Variants in OPCML observed in about 807,000 individuals in gnomAD.
The protein encoded by OPCML is opioid binding protein/cell adhesion molecule like.
Under a neutral mutation model 37.8 loss-of-function variants are expected in OPCML, and 13 were observed. The ratio of observed to expected loss-of-function variants is 0.34; its 90% confidence interval spans 0.22 to 0.55. OPCML has a LOEUF of 0.55. OPCML is among the 20% of genes least tolerant of loss of function. The probability of loss-of-function intolerance (pLI) is 0.91; values close to 1 mark genes in which losing one functional copy is unlikely to be tolerated. For missense variants in OPCML, 341 were observed against 435.6 expected, an observed-to-expected ratio of 0.78 and a Z score of 1.93; for synonymous variants, 176 against 168.8, an observed-to-expected ratio of 1.04 and a Z score of -0.33.
intron 1 of OPCML, among the ~76,000 whole-genome samples, chr11:133,116,548 A>T (rs1949336060): frequency 6.6e-6 from 1 of 152,072 alleles, no homozygotes; most frequent in Non-Finnish European, 1.5e-5. Flanking sequence ...ATGTTCCTTA[A>T]TTTAGGTATG....
intron 1 of OPCML, among the ~76,000 whole-genome samples, chr11:133,181,361 A>ACGGGGGGGG (rs1937822642): frequency 2.3e-5 from 3 of 130,778 alleles, no homozygotes; most frequent in Non-Finnish European, 3.2e-5. Context: ...ATGTTACTGC[A>ACGGGGGGGG]CGGGGGTGGC....
intron 2 of OPCML, among the ~76,000 whole-genome samples, chr11:132,858,319 C>CG (rs2136349944): frequency 6.6e-6 from 1 of 152,288 alleles, no homozygotes; most frequent in South Asian, 2.1e-4. Flanking sequence ...CCTCTTTGAC[C>CG]GGGCCTGCCA....
rs1320621292 is a variant in OPCML at position 133,458,495 on chromosome 11, CG to C, written c.61+73768del. Among the ~76,000 whole-genome samples the C allele has an allele frequency of 3.6e-4, 35 of 95,956 alleles. 2 individuals carry two copies. The highest frequency in any genetic ancestry group is 1.4e-3 in the South Asian group (5 of 3,628). 63.0% of individuals were successfully genotyped at this position (95,956 alleles called of 152,430 possible). A position where few individuals can be genotyped will look rare whatever the true frequency, so the allele number is the denominator to read the frequency against. ...GTGTGTGTATATACACATATATACA[CG>C]TGTGTGTGTATATACACATATATAC... On this transcript the variant is annotated intron_variant, in intron 1 of 7. Coordinates refer to ENST00000524381, the MANE Select transcript of OPCML (RefSeq NM_001012393.5).
chr11:132,450,656 T>C lies in OPCML; in HGVS notation c.506-13297A>G, dbSNP rs568437055. Among the ~76,000 whole-genome samples the C allele has an allele frequency of 1.1e-4, 16 of 152,168 alleles. No individual in the cohort carries two copies. The South Asian group carries it at 1.7e-3, about 16-fold the overall frequency. The stretch of plus-strand genomic sequence containing the variant: ...AATTAATGTAAAAAACAGTGTGATA[T>C]TTATTGCTTTCTGCACATACACAGA... On this transcript the variant is annotated intron_variant, in intron 4 of 7. Coordinates refer to ENST00000524381, the MANE Select transcript of OPCML (RefSeq NM_001012393.5).
At chr11:132,959,329 C>T (rs1015513428) in intron 1 of OPCML, among the ~76,000 whole-genome samples, 55 of 152,162 alleles carry the variant, frequency 3.6e-4, no homozygotes, top group Admixed American at 2.6e-4. Flanking sequence ...CTTGGATGAG[C>T]AAAGGAAGTG....
intron 1 of OPCML, among the ~76,000 whole-genome samples, chr11:133,506,826 G>A (rs1948042154): frequency 6.6e-6 from 1 of 152,206 alleles, no homozygotes; most frequent in South Asian, 2.1e-4. Flanking sequence ...GCAGAAGGCA[G>A]GAGAACGCAC....
rs953392547 is a variant in OPCML at position 133,177,398 on chromosome 11, C to T, written c.62-234388G>A. Among the ~76,000 whole-genome samples the T allele has an allele frequency of 1.3e-5, 2 of 152,180 alleles. No individual in the cohort carries two copies. Among genetic ancestry groups the T allele is most frequent in the African/African-American group, 4.8e-5 (2 of 41,440 alleles). On this transcript the variant is annotated intron_variant, in intron 1 of 7. Transcript: ENST00000524381. The surrounding 1 kb of genome is among the most constrained non-coding windows in gnomAD (Gnocchi z 5.0). ...TGAGGAAATCAGTAATCTTGAACCA[C>T]TAATGCTAATTTATGATTTTGGACA...
At chr11:132,480,957 T>C (rs1291754291) in intron 4 of OPCML, among the ~76,000 whole-genome samples, 1 of 151,426 alleles carries the variant, frequency 6.6e-6, no homozygotes, top group Non-Finnish European at 1.5e-5. Flanking sequence ...AGAAACTGCA[T>C]GAAATAATGA....
chr11:132,682,945 G>A (rs551339518), intron 2 of OPCML, among the ~76,000 whole-genome samples: 1 of 152,282 alleles, frequency 6.6e-6, no homozygotes, highest in African/African-American at 2.4e-5. Context: ...CTGGGTAATA[G>A]AGGCAAAATA....
At chr11:132,498,082 A>G (rs1283604327) in intron 4 of OPCML, among the ~76,000 whole-genome samples, 7 of 152,336 alleles carry the variant, frequency 4.6e-5, no homozygotes, top group African/African-American at 1.7e-4. Context: ...CATATTCTAT[A>G]TTTTTATAGA....
intron 3 of OPCML, among the ~76,000 whole-genome samples, chr11:132,584,793 AT>A (rs1446772771): frequency 1.3e-5 from 2 of 152,254 alleles, no homozygotes; most frequent in Non-Finnish European, 2.9e-5. Context: ...TGATTTGCAA[AT>A]TGGCAAGCCC....
intron 4 of OPCML, among the ~76,000 whole-genome samples, chr11:132,498,417 T>C (rs2096238077): frequency 6.6e-6 from 1 of 152,202 alleles, no homozygotes; most frequent in Non-Finnish European, 1.5e-5. Context: ...ATTCATTATA[T>C]TCAAGGAAAC....
intron 1 of OPCML, among the ~76,000 whole-genome samples, chr11:133,053,664 A>G (rs572085517): frequency 6.6e-6 from 1 of 152,190 alleles, no homozygotes; most frequent in African/African-American, 2.4e-5. Flanking sequence ...CTTCTGGGAA[A>G]GCACGCTCCA....
chr11:133,479,271 T>C (rs998752771), intron 1 of OPCML, among the ~76,000 whole-genome samples: 5 of 152,158 alleles, frequency 3.3e-5, no homozygotes, highest in Non-Finnish European at 7.4e-5. Context: ...TCCACAAGCA[T>C]TCCCCAGAGG....
intron 2 of OPCML, among the ~76,000 whole-genome samples, chr11:132,926,509 C>T (rs1459048018): frequency 6.6e-6 from 1 of 152,124 alleles, no homozygotes; most frequent in Non-Finnish European, 1.5e-5. Context: ...AGGATGCACA[C>T]AAGACCAGGA....
chr11:133,280,836 G>T (rs1348216720), intron 1 of OPCML, among the ~76,000 whole-genome samples: 1 of 152,188 alleles, frequency 6.6e-6, no homozygotes, highest in Non-Finnish European at 1.5e-5. Context: ...ACTTCTTGTG[G>T]CTTGGGATCA....
intron 2 of OPCML, among the ~76,000 whole-genome samples, chr11:132,867,373 C>A (rs1323623821): frequency 2.0e-5 from 3 of 152,242 alleles, no homozygotes; most frequent in African/African-American, 7.2e-5. Flanking sequence ...CAAAGGAAAT[C>A]CGACTGGTGA....
At chr11:132,602,659 G>A (rs184109814) in intron 3 of OPCML, among the ~76,000 whole-genome samples, 1 of 152,284 alleles carries the variant, frequency 6.6e-6, no homozygotes, top group African/African-American at 2.4e-5. Context: ...AAGTTTCATG[G>A]AAATCAGTTT....
At position 133,140,531 on chromosome 11, in the gene OPCML, T is replaced by TAATAATAATAAGAAGAAGAAG. The variant is rs1272061685; in HGVS notation, c.62-197522_62-197521insCTTCTTCTTCTTATTATTATT. Among the ~76,000 whole-genome samples, 669 of 88,028 alleles carry TAATAATAATAAGAAGAAGAAG rather than the reference T, an allele frequency of 7.6e-3. 8 individuals carry two copies. Among genetic ancestry groups the TAATAATAATAAGAAGAAGAAG allele is most frequent in the Non-Finnish European group, 8.9e-3 (401 of 45,190 alleles). 57.7% of individuals were successfully genotyped at this position (88,028 alleles called of 152,430 possible). On this transcript the variant is annotated intron_variant, in intron 1 of 7. Coordinates refer to ENST00000524381, the MANE Select transcript of OPCML (RefSeq NM_001012393.5). The stretch of plus-strand genomic sequence containing the variant: ...TGTCTCAAAATAATAATAATAATAA[T>TAATAATAATAAGAAGAAGAAG]AAGAAGAAGAAGAAGAAGAAGAAGA...
Sources: gnomAD v4.1 joint callset for allele counts (sites outside exome capture counted in the v4.1 genomes callset) on GRCh38, gnomAD v4.1.1 for gene constraint, Gnocchi (gnomAD v3.1) non-coding constraint, MANE v1.5 for transcripts, NCBI Gene and HGNC (gene_info 2026-07-23, HGNC 2026-07-21) for gene names.